GREM1: variants seen among roughly 807,000 people sequenced by gnomAD.
GREM1 encodes gremlin-1.
A neutral mutation model predicts 13.1 loss-of-function variants in GREM1; 6 were observed. The observed-to-expected ratio is 0.46, with a 90% CI of 0.25 to 0.91. GREM1 has a LOEUF of 0.91. Among genes scored for constraint, GREM1 ranks in the 40% least tolerant of loss-of-function variants. The pLI is 0.18. For synonymous variants in GREM1, 98 were observed against 93.7 expected (o/e 1.05, Z -0.27); for missense variants, 185 against 233.9 (o/e 0.79, Z 1.36).
At chr15:32,729,317 G>T (rs2055570617) in intron 1 of GREM1, among the ~76,000 whole-genome samples, 1 of 152,108 alleles carries the variant, frequency 6.6e-6, no homozygotes, top group South Asian at 2.1e-4. Flanking sequence ...GTGAGCCACT[G>T]CGCCCGGCCA....
chr15:32,737,114 A>G lies in GREM1; in HGVS notation c.*5869A>G, dbSNP rs1421788098. On this transcript the variant is annotated 3_prime_UTR_variant, in exon 2 of 2. Coordinates refer to ENST00000651154, the MANE Select transcript of GREM1 (RefSeq NM_013372.7). ...CTGAATAGAGCTATCACAAGTAAAG[A>G]GATTAAATAAGCAATCAAATAACTT... 6.6e-6 allele frequency: 1 copy of G among 152,220 alleles called. No homozygotes were observed. Among genetic ancestry groups the G allele is most frequent in the African/African-American group, 2.4e-5 (1 of 41,462 alleles). The allele number at this position is 152,220 out of a possible 1,614,324, so 9.4% of individuals were successfully genotyped here. A position where few individuals can be genotyped will look rare whatever the true frequency, so the allele number is the denominator to read the frequency against.
chr15:32,724,015 G>A (rs2140675435), intron 1 of GREM1, among the ~76,000 whole-genome samples: 1 of 152,320 alleles, frequency 6.6e-6, no homozygotes, highest in South Asian at 2.1e-4. Flanking sequence ...TGGTACCTCT[G>A]TAAATCAATG....
rs183893448 is a variant in GREM1, at chr15:32,738,779, C to T, written c.*7534C>T. 20 of 152,238 alleles carry T rather than the reference C, an allele frequency of 1.3e-4. No homozygotes were observed. Among genetic ancestry groups the T allele is most frequent in the Admixed American group, 9.2e-4 (14 of 15,276 alleles). The allele number at this position is 152,238 out of a possible 1,614,324, so 9.4% of individuals were successfully genotyped here. A position where few individuals can be genotyped will look rare whatever the true frequency, so the allele number is the denominator to read the frequency against. On this transcript the variant is annotated 3_prime_UTR_variant, in exon 2 of 2. Transcript: ENST00000651154. ...CACAGGAGTTTGAGACCAGCCTGGA[C>T]GATATAGTGAGACCTTGTCTCTACT... is the stretch of plus-strand genomic sequence containing the variant.
chr15:32,721,510 C>T (rs2055406475), intron 1 of GREM1, among the ~76,000 whole-genome samples: 1 of 152,162 alleles, frequency 6.6e-6, no homozygotes, highest in Non-Finnish European at 1.5e-5. Context: ...ATCCTAAGCA[C>T]TTTCGGAGAC....
rs2055733994 is a variant in GREM1, at chr15:32,738,571, G to A, written c.*7326G>A. The A allele has an allele frequency of 6.6e-6, 1 of 152,128 alleles. No homozygotes were observed. The allele number at this position is 152,128 out of a possible 1,614,324, so 9.4% of individuals were successfully genotyped here. On this transcript the variant is annotated 3_prime_UTR_variant, in exon 2 of 2. Coordinates refer to ENST00000651154, the MANE Select transcript of GREM1 (RefSeq NM_013372.7). ...CCCAGGTGGCTTAAGAAATTGACAAGTTAATCCTAAAATTCATAAGAAATT... is the reference window on the plus strand; with the variant it reads ...CCCAGGTGGCTTAAGAAATTGACAAATTAATCCTAAAATTCATAAGAAATT...
chr15:32,738,097 A>AG lies in GREM1; in HGVS notation c.*6852_*6853insG, dbSNP rs2055722444. Reference sequence around the variant, plus strand: ...GGGTAATTAGGCAAAAAAAAAAAAAAAAAAAAAAAAAAAAAAAAAAAAAAA... The same window carrying AG: ...GGGTAATTAGGCAAAAAAAAAAAAAAGAAAAAAAAAAAAAAAAAAAAAAAAA... On this transcript the variant is annotated 3_prime_UTR_variant, in exon 2 of 2. Coordinates refer to ENST00000651154, the MANE Select transcript of GREM1 (RefSeq NM_013372.7). 1.6e-5 allele frequency: 1 copy of AG among 63,836 alleles called. No individual in the cohort carries two copies. The highest frequency in any genetic ancestry group is 3.3e-5 in the Non-Finnish European group (1 of 30,360). 4.0% of individuals were successfully genotyped at this position (63,836 alleles called of 1,614,324 possible). A position where few individuals can be genotyped will look rare whatever the true frequency, so the allele number is the denominator to read the frequency against.
At chr15:32,729,140 T>C (rs1490112152) in intron 1 of GREM1, among the ~76,000 whole-genome samples, 3 of 151,858 alleles carry the variant, frequency 2.0e-5, no homozygotes, top group Admixed American at 2.0e-4. Flanking sequence ...TCTCCTGCCT[T>C]AGACTCCCGA....
At chr15:32,722,773 A>AT (rs2140672250) in intron 1 of GREM1, among the ~76,000 whole-genome samples, 1 of 152,288 alleles carries the variant, frequency 6.6e-6, no homozygotes, top group South Asian at 2.1e-4. Context: ...GAAAGAGAGG[A>AT]TAGAGGCAAA....
Position 32,718,019 on chromosome 15 carries a change from C to G in GREM1, c.-144C>G. On this transcript the variant is annotated 5_prime_UTR_variant, in exon 1 of 2. Coordinates refer to ENST00000651154, the MANE Select transcript of GREM1 (RefSeq NM_013372.7). ...GATGCCTGGCACTCGGTGCGCCTTC[C>G]GCGGACCGGGCGACCCAGTGCACGG... 1 of 1,080,916 alleles carries G rather than the reference C, an allele frequency of 9.3e-7. No homozygotes were observed. 67.0% of individuals were successfully genotyped at this position (1,080,916 alleles called of 1,614,324 possible).
chr15:32,730,943 G>A lies in GREM1; in HGVS notation c.253G>A (p.Glu85Lys). The change falls in exon 2 of 2, where the codon GAG becomes AAG. Residue 85 changes from glutamate to lysine, a missense_variant. Glu to Lys is a moderately conservative substitution (Grantham distance 56, BLOSUM62 1). Coordinates refer to ENST00000651154, the MANE Select transcript of GREM1 (RefSeq NM_013372.7). ...CAGCCAAGAGGCCCTGCATGTGACG[G>A]AGCGCAAATACCTGAAGCGAGACTG... ...ESSQEALHVT[E>K]RKYLKRDWCK... 6.2e-7 allele frequency: 1 copy of A among 1,614,076 alleles called. No homozygotes were observed. Among genetic ancestry groups the A allele is most frequent in the Non-Finnish European group, 8.5e-7 (1 of 1,180,034 alleles).
chr15:32,732,086 C>T lies in GREM1; in HGVS notation c.*841C>T. 4.2e-6 allele frequency: 1 copy of T among 239,220 alleles called. No individual in the cohort carries two copies. Among genetic ancestry groups the T allele is most frequent in the Non-Finnish European group, 8.9e-6 (1 of 112,540 alleles). The allele number at this position is 239,220 out of a possible 1,614,324, so 14.8% of individuals were successfully genotyped here. A position where few individuals can be genotyped will look rare whatever the true frequency, so the allele number is the denominator to read the frequency against. On this transcript the variant is annotated 3_prime_UTR_variant, in exon 2 of 2. Transcript: ENST00000651154. ...AGAAAGTGATTAACTTTGGCCGTTG[C>T]AATCTGCTCAAACCTAACACCAAAC...
rs2055681147 is a variant in GREM1, at chr15:32,735,140, T to C, written c.*3895T>C. On this transcript the variant is annotated 3_prime_UTR_variant, in exon 2 of 2. Transcript: ENST00000651154. ...ATATTAAACCACAGGCTAGATATCA[T>C]TTAATAGGGATGTGAAGTAGAGTAA... 1 of 152,194 alleles carries C rather than the reference T, an allele frequency of 6.6e-6. No homozygotes were observed. Among genetic ancestry groups the C allele is most frequent in the Non-Finnish European group, 1.5e-5 (1 of 68,036 alleles). The allele number at this position is 152,194 out of a possible 1,614,324, so 9.4% of individuals were successfully genotyped here. A position where few individuals can be genotyped will look rare whatever the true frequency, so the allele number is the denominator to read the frequency against.
In GREM1 at chr15:32,745,021, A is replaced by G. The variant is rs1595860100; in HGVS notation, c.*13776A>G. 6.6e-6 allele frequency: 1 copy of G among 152,284 alleles called. No individual in the cohort carries two copies. Among genetic ancestry groups the G allele is most frequent in the South Asian group, 2.1e-4 (1 of 4,822 alleles). 9.4% of individuals were successfully genotyped at this position (152,284 alleles called of 1,614,324 possible). ...TTTTGTTTGGTTCTCATTAATTTTG[A>G]GAGAAAGGCAAGATAGATATTTAAA... On this transcript the variant is annotated 3_prime_UTR_variant, in exon 2 of 2. Coordinates refer to ENST00000651154, the MANE Select transcript of GREM1 (RefSeq NM_013372.7).
chr15:32,730,750 G>C lies in GREM1; in HGVS notation c.60G>C (p.Pro20=), dbSNP rs759636569. Residue 20 remains proline (P), a synonymous_variant, in exon 2 of 2, where the codon CCG becomes CCC. Coordinates refer to ENST00000651154, the MANE Select transcript of GREM1 (RefSeq NM_013372.7). Reference sequence around the variant, plus strand: ...TTCTCCTCTTGGGGACCCTGCTGCCGGCTGCTGAAGGGAAAAAGAAAGGGT... The same window carrying C: ...TTCTCCTCTTGGGGACCCTGCTGCCCGCTGCTGAAGGGAAAAAGAAAGGGT... ...ALLLLLGTLL[P]AAEGKKKGSQ... is the part of the protein sequence containing the mutation. 1.9e-5 allele frequency: 31 copies of C among 1,606,114 alleles called. No homozygotes were observed. The highest frequency in any genetic ancestry group is 2.0e-5 in the Non-Finnish European group (24 of 1,176,894).
In GREM1 at chr15:32,733,420, C is replaced by T. The variant is rs923786135; in HGVS notation, c.*2175C>T. ...TAACTCTGCCACAAGAATGCAATTT[C>T]GTTAACGGAGATGACTTAAGTTGGC... On this transcript the variant is annotated 3_prime_UTR_variant, in exon 2 of 2. Coordinates refer to ENST00000651154, the MANE Select transcript of GREM1 (RefSeq NM_013372.7). 4 of 229,176 alleles carry T rather than the reference C, an allele frequency of 1.7e-5. No homozygotes were observed. Among genetic ancestry groups the T allele is most frequent in the Non-Finnish European group, 3.8e-5 (4 of 106,116 alleles). The allele number at this position is 229,176 out of a possible 1,614,324, so 14.2% of individuals were successfully genotyped here. A position where few individuals can be genotyped will look rare whatever the true frequency, so the allele number is the denominator to read the frequency against.
In GREM1 at chr15:32,736,673, G is replaced by T. The variant is rs1259484862; in HGVS notation, c.*5428G>T. ...GACTACTAACCAAGCAGAGACTTCA[G>T]TGTCCACACACAACAAAAAATACAG... On this transcript the variant is annotated 3_prime_UTR_variant, in exon 2 of 2. Coordinates refer to ENST00000651154, the MANE Select transcript of GREM1 (RefSeq NM_013372.7). 3 of 152,148 alleles carry T rather than the reference G, an allele frequency of 2.0e-5. No homozygotes were observed. The highest frequency in any genetic ancestry group is 2.4e-5 in the African/African-American group (1 of 41,412). 9.4% of individuals were successfully genotyped at this position (152,148 alleles called of 1,614,324 possible).
chr15:32,740,941 C>T lies in GREM1; in HGVS notation c.*9696C>T, dbSNP rs1309134202. On this transcript the variant is annotated 3_prime_UTR_variant, in exon 2 of 2. Coordinates refer to ENST00000651154, the MANE Select transcript of GREM1 (RefSeq NM_013372.7). ...GCATTCTGATTTGCCAGTGTGGTCT[C>T]ATGTTACCCCTGTGCCTAGAAAGGA... The T allele has an allele frequency of 6.6e-6, 1 of 152,046 alleles. No individual in the cohort carries two copies. The highest frequency in any genetic ancestry group is 1.5e-5 in the Non-Finnish European group (1 of 68,008). The allele number at this position is 152,046 out of a possible 1,614,324, so 9.4% of individuals were successfully genotyped here. A position where few individuals can be genotyped will look rare whatever the true frequency, so the allele number is the denominator to read the frequency against.
chr15:32,722,535 C>G (rs2055424853), intron 1 of GREM1, among the ~76,000 whole-genome samples: 1 of 152,230 alleles, frequency 6.6e-6, no homozygotes, highest in African/African-American at 2.4e-5. Flanking sequence ...GGGAACAGGT[C>G]ATACATATAC....
chr15:32,739,880 G>A lies in GREM1; in HGVS notation c.*8635G>A, dbSNP rs1433826693. The A allele has an allele frequency of 6.6e-6, 1 of 152,268 alleles. No individual in the cohort carries two copies. Among genetic ancestry groups the A allele is most frequent in the Non-Finnish European group, 1.5e-5 (1 of 68,088 alleles). The allele number at this position is 152,268 out of a possible 1,614,324, so 9.4% of individuals were successfully genotyped here. On this transcript the variant is annotated 3_prime_UTR_variant, in exon 2 of 2. Coordinates refer to ENST00000651154, the MANE Select transcript of GREM1 (RefSeq NM_013372.7). The stretch of plus-strand genomic sequence containing the variant: ...TATCCAAGACCTCCAACTTTTCTGA[G>A]GAGATTCCCAGAGGACTGGCTTCTA...
Sources: gnomAD v4.1 joint callset for allele counts (sites outside exome capture counted in the v4.1 genomes callset) on GRCh38, gnomAD v4.1.1 for gene constraint, MANE v1.5 for transcripts, NCBI Gene and HGNC (gene_info 2026-07-23, HGNC 2026-07-21) for gene names.